Variants in KIF26B observed in about 807,000 individuals in gnomAD.
KIF26B encodes the protein kinesin family member 26B.
In KIF26B, 63 loss-of-function variants were observed where a neutral mutation model predicts 151.2. The observed-to-expected ratio is 0.42, with a 90% CI of 0.34 to 0.51. KIF26B has a LOEUF of 0.51. Among genes scored for constraint, KIF26B ranks in the 20% least tolerant of loss-of-function variants. The pLI is 0.07. For synonymous variants in KIF26B, 1,357 were observed against 1,262.1 expected (o/e 1.08, Z -1.59); for missense variants, 2,813 against 2,913.6 (o/e 0.97, Z 0.79).
At chr1:245,279,992 T>C (rs1258565256) in intron 2 of KIF26B, among the ~76,000 whole-genome samples, 3 of 152,094 alleles carry the variant, frequency 2.0e-5, no homozygotes, top group African/African-American at 7.2e-5. Context: ...TTTAGAAGAA[T>C]GGTGTGTCCA....
At chr1:245,640,305 A>C (rs1210860038) in intron 9 of KIF26B, among the ~76,000 whole-genome samples, 5 of 151,118 alleles carry the variant, frequency 3.3e-5, no homozygotes, top group Non-Finnish European at 7.4e-5. Flanking sequence ...AAGTATAGCT[A>C]GTCTTGATCA....
chr1:245,678,111 T>C (rs1396747934), intron 10 of KIF26B, among the ~76,000 whole-genome samples: 1 of 152,168 alleles, frequency 6.6e-6, no homozygotes, highest in African/African-American at 2.4e-5. Flanking sequence ...TAGTTGGCTG[T>C]AAATAGGAAG....
Position 245,156,742 on chromosome 1 carries a change from C to T in KIF26B, c.465+59C>T, listed in dbSNP as rs1668443916. On this transcript the variant is annotated intron_variant, in intron 2 of 14. Coordinates refer to ENST00000407071, the MANE Select transcript of KIF26B (RefSeq NM_018012.4). ...CGGGAGGGCGGGGCCGGGCCGCCAC[C>T]CACAGCAGCTGCTCAGCCCGCCGCG... 3.5e-6 allele frequency: 4 copies of T among 1,148,140 alleles called. No individual in the cohort carries two copies. In the South Asian group the frequency reaches 7.8e-5, roughly 22 times the overall value. The allele number at this position is 1,148,140 out of a possible 1,614,324, so 71.1% of individuals were successfully genotyped here. A position where few individuals can be genotyped will look rare whatever the true frequency, so the allele number is the denominator to read the frequency against.
chr1:245,475,425 A>T (rs1660013169), intron 4 of KIF26B, among the ~76,000 whole-genome samples: 1 of 151,710 alleles, frequency 6.6e-6, no homozygotes, highest in Non-Finnish European at 1.5e-5. Flanking sequence ...ACCACTAGAC[A>T]TTCTGAGGCG....
intron 8 of KIF26B, 129 bp from the exon 9 acceptor site, chr1:245,611,664 C>A: frequency 2.0e-5 from 17 of 849,788 alleles, no homozygotes; most frequent in Non-Finnish European, 3.1e-5. Flanking sequence ...GGGTTTTCAG[C>A]CTTAGAGGGG....
chr1:245,325,950 C>G (rs1161668888), intron 2 of KIF26B, among the ~76,000 whole-genome samples: 1 of 152,074 alleles, frequency 6.6e-6, no homozygotes, highest in Non-Finnish European at 1.5e-5. Context: ...TCGCTTATTG[C>G]TAAATGGAGA....
At chr1:245,485,883 A>T (rs1660270771) in intron 4 of KIF26B, among the ~76,000 whole-genome samples, 1 of 152,196 alleles carries the variant, frequency 6.6e-6, no homozygotes, top group Non-Finnish European at 1.5e-5. Flanking sequence ...TAAATGAAGG[A>T]AGGAGTTAAG....
At chr1:245,235,915 C>T (rs1310108255) in intron 2 of KIF26B, among the ~76,000 whole-genome samples, 1 of 143,380 alleles carries the variant, frequency 7.0e-6, no homozygotes, top group Non-Finnish European at 1.5e-5. Flanking sequence ...GCTGCTTGTA[C>T]ACACTGCATC....
At chr1:245,279,748 T>A (rs968280430) in intron 2 of KIF26B, among the ~76,000 whole-genome samples, 5 of 152,172 alleles carry the variant, frequency 3.3e-5, no homozygotes, top group Non-Finnish European at 7.3e-5. Context: ...TCACTCTTTT[T>A]TTTTTTTAGC....
intron 2 of KIF26B, among the ~76,000 whole-genome samples, chr1:245,302,484 A>G (rs1671442446): frequency 6.6e-6 from 1 of 152,210 alleles, no homozygotes; most frequent in Non-Finnish European, 1.5e-5. Flanking sequence ...TTGTTTGGAT[A>G]GAGTGCTCAA....
At chr1:245,656,646 A>G (rs190281956) in intron 10 of KIF26B, among the ~76,000 whole-genome samples, 7 of 152,374 alleles carry the variant, frequency 4.6e-5, no homozygotes, top group African/African-American at 1.7e-4. Flanking sequence ...TTTAGGCACA[A>G]TTAGGCATTG....
chr1:245,330,763 AGTGGTGGAGGGATTGGGGGAGGG>A (rs1672090613), intron 2 of KIF26B, among the ~76,000 whole-genome samples: 4 of 19,566 alleles, frequency 2.0e-4, no homozygotes, highest in African/African-American at 8.5e-4. Context: ...TGGGGGAGGG[AGTGGTGGAGGGATTGGGGGAGGG>A]AATAGCGGGG....
chr1:245,155,190 G>T lies in KIF26B; in HGVS notation c.-235G>T. 2 of 561,270 alleles carry T rather than the reference G, an allele frequency of 3.6e-6. No individual in the cohort carries two copies. The allele number at this position is 561,270 out of a possible 1,614,324, so 34.8% of individuals were successfully genotyped here. A position where few individuals can be genotyped will look rare whatever the true frequency, so the allele number is the denominator to read the frequency against. ...GGCTGGAAGAGGCAGAAGGGGACGAGGAAAAGCATGCTTTGAAGAGAAGAA... is the reference window on the plus strand; with the variant it reads ...GGCTGGAAGAGGCAGAAGGGGACGATGAAAAGCATGCTTTGAAGAGAAGAA... On this transcript the variant is annotated 5_prime_UTR_variant, in exon 1 of 15. It adds an upstream start codon to the 5' untranslated region. Coordinates refer to ENST00000407071, the MANE Select transcript of KIF26B (RefSeq NM_018012.4).
chr1:245,371,985 C>T (rs1212472287), intron 3 of KIF26B, among the ~76,000 whole-genome samples: 1 of 152,264 alleles, frequency 6.6e-6, no homozygotes, highest in African/African-American at 2.4e-5. Flanking sequence ...ACATTTAGCA[C>T]AATCTATACA....
intron 2 of KIF26B, among the ~76,000 whole-genome samples, chr1:245,307,742 C>CT (rs35577186): frequency 2.4e-3 from 321 of 132,856 alleles, no homozygotes; most frequent in Middle Eastern, 4.0e-3. Flanking sequence ...CTCTCTCTCT[C>CT]TTTTTTTTTT....
rs189539859 is a variant in KIF26B at position 245,442,530 on chromosome 1, C to G, written c.1166+22785C>G. 4.0e-3 allele frequency among the ~76,000 whole-genome samples: 604 copies of G among 152,264 alleles called. 5 individuals are homozygous for G. The highest frequency in any genetic ancestry group is 0.013 in the African/African-American group (539 of 41,546). ...AAAGGAGGCAGGAAAGGGAAAGAGA[C>G]AAGCCAAAGATGAGTCCTTTCTCAG... On this transcript the variant is annotated intron_variant, in intron 4 of 14. Coordinates refer to ENST00000407071, the MANE Select transcript of KIF26B (RefSeq NM_018012.4).
Position 245,352,709 on chromosome 1 carries a change from G to A in KIF26B, c.466-14125G>A, listed in dbSNP as rs1395235380. Among the ~76,000 whole-genome samples the A allele has an allele frequency of 6.6e-6, 1 of 152,174 alleles. No homozygotes were observed. Among genetic ancestry groups the A allele is most frequent in the Non-Finnish European group, 1.5e-5 (1 of 68,036 alleles). On this transcript the variant is annotated intron_variant, in intron 2 of 14. Transcript: ENST00000407071. This position sits in a 1 kb window ranked among gnomAD's most constrained non-coding sequence, Gnocchi z 5.0. ...TCAAGGAAAAGTGATAGAGGCAGGT[G>A]GGGACGGGGAGGTGAGTTTTCTTCG... is the stretch of plus-strand genomic sequence containing the variant.
In KIF26B at chr1:245,516,929, C is replaced by T. The variant is rs1660981803; in HGVS notation, c.1167-23838C>T. On this transcript the variant is annotated intron_variant, in intron 4 of 14. Transcript: ENST00000407071. This position sits in a 1 kb window ranked among gnomAD's most constrained non-coding sequence, Gnocchi z 4.2. ...CGCTGGGCTGATTGCCCTGGCTGCT[C>T]CCCACAGCTCCACGGCTGCTGCTTT... 6.6e-6 allele frequency among the ~76,000 whole-genome samples: 1 copy of T among 152,214 alleles called. No individual in the cohort carries two copies. The highest frequency in any genetic ancestry group is 2.4e-5 in the African/African-American group (1 of 41,458).
intron 2 of KIF26B, among the ~76,000 whole-genome samples, chr1:245,179,985 A>G (rs1668875677): frequency 6.6e-6 from 1 of 152,184 alleles, no homozygotes; most frequent in South Asian, 2.1e-4. Flanking sequence ...GGGCCTGGCC[A>G]GGGACCCCAC....
Sources: allele counts gnomAD v4.1 joint callset (sites outside exome capture counted in the v4.1 genomes callset), GRCh38; gene constraint gnomAD v4.1.1; non-coding constraint Gnocchi (gnomAD v3.1); transcripts MANE v1.5; gene names NCBI Gene and HGNC (gene_info 2026-07-23, HGNC 2026-07-21).